The following ATP13A3 variants were observed in gnomAD, a reference collection of about 807,000 sequenced individuals.
ATP13A3 encodes the protein polyamine-transporting ATPase 13A3.
A neutral mutation model predicts 158.1 loss-of-function variants in ATP13A3; 59 were observed. That is an observed-to-expected ratio of 0.37 (90% confidence interval 0.30 to 0.46). The LOEUF is 0.46. Ranked by LOEUF, ATP13A3 falls within the 20% of genes least tolerant of loss-of-function variation. The pLI, the probability that ATP13A3 is intolerant of heterozygous loss-of-function variation, is 1.00. For synonymous variants in ATP13A3, 491 were observed against 504.3 expected (o/e 0.97, Z 0.35); for missense variants, 1,166 against 1,525.2 (o/e 0.76, Z 3.92).
intron 33 of ATP13A3, among the ~76,000 whole-genome samples, chr3:194,410,913 G>C (rs1379630914): frequency 1.4e-5 from 2 of 141,938 alleles, no homozygotes; most frequent in East Asian, 2.1e-4. Flanking sequence ...TATATATATG[G>C]GGGTGGGAGG....
intron 6 of ATP13A3, among the ~76,000 whole-genome samples, chr3:194,458,304 G>T (rs143545204): frequency 2.0e-5 from 3 of 150,322 alleles, no homozygotes; most frequent in African/African-American, 7.4e-5. Flanking sequence ...TGAATTTGAT[G>T]ACTTCTCCAG....
intron 33 of ATP13A3, among the ~76,000 whole-genome samples, chr3:194,406,724 T>C (rs1336038437): frequency 6.6e-6 from 1 of 152,222 alleles, no homozygotes; most frequent in Non-Finnish European, 1.5e-5. Flanking sequence ...AAGAAAGCTG[T>C]GTACAAGTAT....
Position 194,447,268 on chromosome 3 carries a change from AT to A in ATP13A3, c.1309-154del, listed in dbSNP as rs568376967. On this transcript the variant is annotated intron_variant, in intron 13 of 33. Transcript: ENST00000645319. ...TATACATATCTATTAACCATATATA[AT>A]TTTTTTCTTCAGATATTTCTGCAAA... Among the ~76,000 whole-genome samples the A allele has an allele frequency of 2.9e-3, 447 of 152,202 alleles. 1 individual carries two copies. Among genetic ancestry groups the A allele is most frequent in the Middle Eastern group, 0.02 (6 of 294 alleles).
rs143931444 is a variant in ATP13A3 at position 194,412,224 on chromosome 3, C to A, written c.3548G>T (p.Arg1183Leu). ...VFNRDKQGEY[R>L]FSTTQPPQES... is the part of the protein sequence containing the mutation. ...CTGCGGTGGCTGTGTGGTGCTGAAC[C>A]GATACTCTCCTTGTTTGTCTCGGTT... Residue 1183 changes from arginine (R) to leucine (L), a missense_variant, in exon 33 of 34, where the codon CGG becomes CTG. Arg to Leu is a moderately radical substitution (Grantham distance 102). Coordinates refer to ENST00000645319, the MANE Select transcript of ATP13A3 (RefSeq NM_001367549.1). The A allele has an allele frequency of 1.8e-5, 27 of 1,536,238 alleles. No homozygotes were observed. The South Asian group carries it at 2.4e-4, about 14-fold the overall frequency.
Position 194,459,908 on chromosome 3 carries a change from A to G in ATP13A3, c.289T>C (p.Ser97Pro). 1 of 1,613,510 alleles carries G rather than the reference A, an allele frequency of 6.2e-7. No individual in the cohort carries two copies. The highest frequency in any genetic ancestry group is 8.5e-7 in the Non-Finnish European group (1 of 1,179,666). ...TTATTAGACATAGATTTTGGACTTG[A>G]AACTGGGTAAGTTTCCAAAGAAAGA... ...RVLSLETYPV[S>P]SPKSMSNKLS... Residue 97 changes from serine (S) to proline (P), a missense_variant, in exon 5 of 34, where the codon TCA becomes CCA. Ser to Pro is a moderately conservative substitution (Grantham distance 74, BLOSUM62 -1). This residue lies in a region of ATP13A3 where 104 missense variants were observed against 91.7 expected (regional missense o/e 1.13). Transcript: ENST00000645319.
At position 194,427,270 on chromosome 3, in the gene ATP13A3, A is replaced by G. The variant is rs1716853824; in HGVS notation, c.2948-18T>C. On this transcript the variant is annotated intron_variant, in intron 28 of 33. Transcript: ENST00000645319. ...TAAACTCACTATATTGAAAAGAAAA[A>G]GAGGAAAGGTTTGTATTTACATTAA... 6 of 1,575,676 alleles carry G rather than the reference A, an allele frequency of 3.8e-6. No individual in the cohort carries two copies. The Admixed American group carries it at 1.0e-4, about 27-fold the overall frequency.
intron 10 of ATP13A3, chr3:194,451,362 C>T (rs1718794254): frequency 6.6e-6 from 1 of 152,078 alleles, no homozygotes; most frequent in African/African-American, 2.4e-5. Context: ...TTTCTTAAAG[C>T]TTTTAAATAC....
intron 33 of ATP13A3, among the ~76,000 whole-genome samples, chr3:194,410,526 G>A (rs973309296): frequency 6.6e-6 from 1 of 151,800 alleles, no homozygotes; most frequent in African/African-American, 2.4e-5. Flanking sequence ...CCATGATCAC[G>A]CCACTGCACT....
Position 194,486,575 on chromosome 3 carries a change from T to G in ATP13A3, c.-98A>C, listed in dbSNP as rs1283657125. On this transcript the variant is annotated 5_prime_UTR_variant, in exon 1 of 34. Transcript: ENST00000645319. ...CCCTCGCCCCGCTCACCGGGGCCGC[T>G]CACTGGCCGCCGCCGCGCCGCCTCC... 1 of 148,652 alleles carries G rather than the reference T, an allele frequency of 6.7e-6. No individual in the cohort carries two copies. Among genetic ancestry groups the G allele is most frequent in the Admixed American group, 6.7e-5 (1 of 14,980 alleles). 9.2% of individuals were successfully genotyped at this position (148,652 alleles called of 1,614,324 possible).
intron 21 of ATP13A3, among the ~76,000 whole-genome samples, chr3:194,432,533 C>T (rs901644846): frequency 3.9e-5 from 6 of 152,180 alleles, no homozygotes; most frequent in African/African-American, 9.6e-5. Flanking sequence ...GAATATCTTC[C>T]TATGACCTTT....
intron 2 of ATP13A3, among the ~76,000 whole-genome samples, chr3:194,464,368 C>G (rs1719866208): frequency 6.6e-6 from 1 of 152,182 alleles, no homozygotes; most frequent in Admixed American, 6.5e-5. Flanking sequence ...CGTATGACCA[C>G]ACAAAACCTT....
intron 31 of ATP13A3, among the ~76,000 whole-genome samples, chr3:194,414,389 G>A (rs1715659734): frequency 6.6e-6 from 1 of 151,786 alleles, no homozygotes; most frequent in East Asian, 1.9e-4. Flanking sequence ...CTTGAGCCTG[G>A]GAAGTGGAGG....
chr3:194,493,918 T>C, intron 2 of ATP13A3: 4 of 362,574 alleles, frequency 1.1e-5, no homozygotes, highest in Non-Finnish European at 2.0e-5. Context: ...GGAGGTACTA[T>C]TATTTCTGTT....
At chr3:194,492,150 C>T (rs1721153919) in intron 2 of ATP13A3, among the ~76,000 whole-genome samples, 1 of 152,136 alleles carries the variant, frequency 6.6e-6, no homozygotes, top group Non-Finnish European at 1.5e-5. Context: ...TCTGCTCTCC[C>T]CGTCTTCTCA....
At chr3:194,459,430 G>A in intron 6 of ATP13A3, 41 bp downstream of exon 6, 1 of 1,335,164 alleles carries the variant, frequency 7.5e-7, no homozygotes, top group Non-Finnish European at 1.1e-6. Context: ...AACGTTTTCA[G>A]GATATTCAAA....
chr3:194,450,546 C>G (rs1718734623), intron 10 of ATP13A3: 1 of 382,814 alleles, frequency 2.6e-6, no homozygotes, highest in Non-Finnish European at 4.9e-6. Flanking sequence ...TGCTTCAACA[C>G]TCATGACAAC....
chr3:194,440,766 AACTG>A (rs1717996175), intron 16 of ATP13A3, among the ~76,000 whole-genome samples: 1 of 152,218 alleles, frequency 6.6e-6, no homozygotes, highest in Admixed American at 6.5e-5. Flanking sequence ...CTCTAAAATG[AACTG>A]ACTTTGTATT....
At chr3:194,411,577 C>G (rs1278846036) in intron 33 of ATP13A3, among the ~76,000 whole-genome samples, 2 of 152,110 alleles carry the variant, frequency 1.3e-5, no homozygotes, top group Admixed American at 1.3e-4. Context: ...ACAGAACTTG[C>G]AATACCTTTC....
At chr3:194,440,595 T>C (rs75526355) in intron 16 of ATP13A3, among the ~76,000 whole-genome samples, 5,475 of 152,294 alleles carry the variant, frequency 0.036, 350 homozygotes, top group African/African-American at 0.13. Context: ...ACTGCAGCTA[T>C]GCAGAATTAC....
Sources: allele counts gnomAD v4.1 joint callset (sites outside exome capture counted in the v4.1 genomes callset), GRCh38; gene constraint gnomAD v4.1.1; regional missense constraint gnomAD v4.1.1; transcripts MANE v1.5; gene names NCBI Gene and HGNC (gene_info 2026-07-23, HGNC 2026-07-21).